The following DHRS12 variants were observed in gnomAD, a reference collection of about 807,000 sequenced individuals.
The protein encoded by DHRS12 is dehydrogenase/reductase 12, also known as dehydrogenase/reductase SDR family member 12.
Under a neutral mutation model 32.1 loss-of-function variants are expected in DHRS12, and 29 were observed. The ratio of observed to expected loss-of-function variants is 0.90; its 90% CI spans 0.67 to 1.23. The LOEUF (loss-of-function observed/expected upper bound fraction) is 1.23. DHRS12 is among the 50% of genes most tolerant of loss of function. DHRS12 has a pLI of 0.00. For synonymous variants in DHRS12, 150 were observed against 135.9 expected (o/e 1.10, Z -0.72); for missense variants, 330 against 337.2 (o/e 0.98, Z 0.17).
intron 2 of DHRS12, 42 bp from the exon 3 acceptor site, chr13:51,791,299 GAT>G (rs746537977): frequency 1.6e-5 from 18 of 1,139,226 alleles, no homozygotes; most frequent in Admixed American, 2.8e-5. Flanking sequence ...TTTTTAAAAA[GAT>G]ATAAACTAGC....
At chr13:51,757,165 CTTAT>C in the DHRS12 span, among the ~76,000 whole-genome samples, 1 of 152,156 alleles carries the variant, frequency 6.6e-6, no homozygotes, top group African/African-American at 2.4e-5. Context: ...CATAAGTAGT[CTTAT>C]TTATCCATAT....
chr13:51,799,456 C>T (rs1178572316), intron 2 of DHRS12, 78 bp downstream of exon 2: 19 of 1,571,394 alleles, frequency 1.2e-5, no homozygotes, highest in Non-Finnish European at 1.6e-5. Context: ...GCCTGTGACA[C>T]AGGGTGCCCT....
chr13:51,768,057 T>C lies in DHRS12; in HGVS notation c.*130A>G. The C allele has an allele frequency of 1.4e-6, 2 of 1,457,572 alleles. No homozygotes were observed. The highest frequency in any genetic ancestry group is 1.4e-5 in the African/African-American group (1 of 70,652). The allele number at this position is 1,457,572 out of a possible 1,614,324, so 90.3% of individuals were successfully genotyped here. On this transcript the variant is annotated 3_prime_UTR_variant, in exon 9 of 9. Transcript: ENST00000444610. The stretch of plus-strand genomic sequence containing the variant: ...TTGAAATAAAAGTTCCCATCCCTTG[T>C]AGGCCTCGCTGTGAGGCACAACGTC...
intron 4 of DHRS12, among the ~76,000 whole-genome samples, chr13:51,783,024 G>A (rs969294807): frequency 6.6e-6 from 1 of 152,144 alleles, no homozygotes; most frequent in East Asian, 1.9e-4. Flanking sequence ...AAGGAAGAGC[G>A]GCCCAGAGCG....
At chr13:51,787,771 AT>A (rs1308701206) in intron 4 of DHRS12, among the ~76,000 whole-genome samples, 6 of 95,626 alleles carry the variant, frequency 6.3e-5, no homozygotes, top group African/African-American at 2.1e-4. Context: ...AATTATATAA[AT>A]TATATATAAT....
intron 5 of DHRS12, chr13:51,774,249 CCTA>C: frequency 2.1e-6 from 1 of 466,476 alleles, no homozygotes; most frequent in Non-Finnish European, 3.7e-6. Flanking sequence ...ACAGTATTCT[CCTA>C]CATGTATTCT....
At chr13:51,789,106 G>A (rs897527003) in intron 4 of DHRS12, among the ~76,000 whole-genome samples, 5 of 152,076 alleles carry the variant, frequency 3.3e-5, no homozygotes, top group Admixed American at 2.0e-4. Flanking sequence ...TTATTCCATC[G>A]GCTTACTCAA....
chr13:51,756,672 A>G, the DHRS12 span: 2 of 981,910 alleles, frequency 2.0e-6, no homozygotes, highest in Non-Finnish European at 2.4e-6. Flanking sequence ...CAAAGAATTC[A>G]TCTCTGTGTT....
At chr13:51,759,162 CAG>C in the DHRS12 span, among the ~76,000 whole-genome samples, 2 of 152,168 alleles carry the variant, frequency 1.3e-5, no homozygotes, top group Non-Finnish European at 2.9e-5. Context: ...GCCTGGGTGA[CAG>C]AGCAAGACCC....
Position 51,799,322 on chromosome 13 carries a change from G to A in DHRS12, c.126+212C>T, listed in dbSNP as rs534050796. 5.3e-5 allele frequency among the ~76,000 whole-genome samples: 8 copies of A among 152,248 alleles called. No individual in the cohort carries two copies. In the South Asian group the frequency reaches 6.2e-4, roughly 12 times the overall value. ...GACACGTGGGCAGGACCCCAAGCTC[G>A]CCTGAGAATTAATTAAGTGTTGAGG... On this transcript the variant is annotated intron_variant, in intron 2 of 8. Coordinates refer to ENST00000444610, the MANE Select transcript of DHRS12 (RefSeq NM_001377533.1).
chr13:51,774,058 T>C, intron 5 of DHRS12, 24 bp from the exon 6 acceptor site: 1 of 1,608,996 alleles, frequency 6.2e-7, no homozygotes, highest in Non-Finnish European at 8.5e-7. Flanking sequence ...AACAGAGATT[T>C]ACAAACTAAA....
intron 1 of DHRS12, among the ~76,000 whole-genome samples, chr13:51,801,798 G>GA (rs1445081501): frequency 2.6e-5 from 4 of 152,200 alleles, no homozygotes; most frequent in African/African-American, 9.6e-5. Context: ...GAACAGGCCT[G>GA]AAGAGCCCTT....
At chr13:51,783,305 C>T (rs1954806957) in intron 4 of DHRS12, among the ~76,000 whole-genome samples, 2 of 152,128 alleles carry the variant, frequency 1.3e-5, no homozygotes, top group Admixed American at 1.3e-4. Flanking sequence ...GCCCCCACCT[C>T]AAGCTGAGGA....
intron 1 of DHRS12, chr13:51,803,842 G>T: frequency 2.6e-6 from 1 of 382,772 alleles, no homozygotes; most frequent in Non-Finnish European, 4.4e-6. Context: ...CGCCAGTCTC[G>T]GTCGCGGGCA....
Position 51,768,145 on chromosome 13 carries a change from T to C in DHRS12, c.*42A>G. 6.5e-7 allele frequency: 1 copy of C among 1,535,682 alleles called. No individual in the cohort carries two copies. The highest frequency in any genetic ancestry group is 8.7e-7 in the Non-Finnish European group (1 of 1,146,632). ...GGTCCCTAGACCGCACCTTCTGGTA[T>C]CTTCTAAGGCAATTCTGGTACCGCA... On this transcript the variant is annotated 3_prime_UTR_variant, in exon 9 of 9. Transcript: ENST00000444610.
intron 4 of DHRS12, among the ~76,000 whole-genome samples, chr13:51,788,156 G>C (rs529728409): frequency 4.1e-4 from 62 of 151,624 alleles, no homozygotes; most frequent in African/African-American, 1.5e-3. Context: ...TTAACATGGA[G>C]CCTCGCATTT....
intron 7 of DHRS12, among the ~76,000 whole-genome samples, chr13:51,770,625 G>C (rs1031926425): frequency 6.6e-6 from 1 of 152,204 alleles, no homozygotes; most frequent in Admixed American, 6.5e-5. Flanking sequence ...CATCCTTTCT[G>C]TATTTAAGAC....
intron 8 of DHRS12, chr13:51,768,565 C>G: frequency 7.6e-7 from 1 of 1,323,966 alleles, no homozygotes; most frequent in South Asian, 1.8e-5. Flanking sequence ...CGGCCATCCT[C>G]CCGGATACCC....
intron 5 of DHRS12, chr13:51,775,888 T>C (rs1480442242): frequency 6.7e-6 from 1 of 148,612 alleles, no homozygotes; most frequent in African/African-American, 2.5e-5. Flanking sequence ...CCTACATGTA[T>C]TCTACAGTAT....
Sources: gnomAD v4.1 joint callset for allele counts (sites outside exome capture counted in the v4.1 genomes callset) on GRCh38, gnomAD v4.1.1 for gene constraint, MANE v1.5 for transcripts, NCBI Gene and HGNC (gene_info 2026-07-23, HGNC 2026-07-21) for gene names.